The following ZNF90 variants were observed in gnomAD, a reference collection of about 807,000 sequenced individuals.
ZNF90 encodes zinc finger protein 90.
ZNF90 carries 11 observed loss-of-function variants against 12.0 expected under a neutral mutation model. That is an observed-to-expected ratio of 0.92 (90% confidence interval 0.58 to 1.52). The LOEUF (loss-of-function observed/expected upper bound fraction) is 1.52. Among genes scored for constraint, ZNF90 ranks in the 40% most tolerant of loss-of-function variants. The pLI is 0.00. For synonymous variants in ZNF90, 232 were observed against 240.1 expected, an observed-to-expected ratio of 0.97 and a Z score of 0.31; for missense variants, 765 against 711.5, an observed-to-expected ratio of 1.08 and a Z score of -0.86.
chr19:20,115,599 C>T (rs2089130566), intron 3 of ZNF90, among the ~76,000 whole-genome samples: 1 of 151,864 alleles, frequency 6.6e-6, no homozygotes, highest in Admixed American at 6.6e-5. Context: ...ATCATTACAT[C>T]TGCTGCTCCG....
chr19:20,119,053 A>C lies in ZNF90; in HGVS notation c.1499A>C (p.Lys500Thr). 1 of 1,610,302 alleles carries C rather than the reference A, an allele frequency of 6.2e-7. No individual in the cohort carries two copies. Among genetic ancestry groups the C allele is most frequent in the Non-Finnish European group, 8.5e-7 (1 of 1,178,054 alleles). ...TACTCCTCAGCCCTTAGCACACATAAGATAATTCACAGTGGAGAGAATCCC... is the reference window on the plus strand; with the variant it reads ...TACTCCTCAGCCCTTAGCACACATACGATAATTCACAGTGGAGAGAATCCC... ...FKYSSALSTH[K>T]IIHSGENPYK... Residue 500 changes from lysine to threonine, a missense_variant, in exon 4 of 4, where the codon AAG becomes ACG. Physicochemically the swap from Lys to Thr is moderately conservative, Grantham distance 78. Coordinates refer to ENST00000418063, the MANE Select transcript of ZNF90 (RefSeq NM_007138.2).
Position 20,120,256 on chromosome 19 carries a change from TC to T in ZNF90, c.*897del, listed in dbSNP as rs2089184120. The stretch of plus-strand genomic sequence containing the variant: ...CACATCTTACCCAACAGAAGGTGGT[TC>T]ACAGTTAATGAAAGCATTTAAAGTG... On this transcript the variant is annotated 3_prime_UTR_variant, in exon 4 of 4. Transcript: ENST00000418063. 1.3e-5 allele frequency among the ~76,000 whole-genome samples: 2 copies of T among 152,246 alleles called. No homozygotes were observed. Among genetic ancestry groups the T allele is most frequent in the African/African-American group, 2.4e-5 (1 of 41,468 alleles).
chr19:20,092,755 G>A lies in ZNF90; in HGVS notation c.4-11484G>A, dbSNP rs147141627. On this transcript the variant is annotated intron_variant, in intron 1 of 3. Coordinates refer to ENST00000418063, the MANE Select transcript of ZNF90 (RefSeq NM_007138.2). ...GTGTGTTCTTATGAAGAATTATGCC[G>A]AGGTAGGTAACGGATGGAGAAGAAA... is the stretch of plus-strand genomic sequence containing the variant. 8.4e-3 allele frequency among the ~76,000 whole-genome samples: 1,287 copies of A among 152,308 alleles called. 26 individuals are homozygous for A. The highest frequency in any genetic ancestry group is 0.028 in the African/African-American group (1,181 of 41,548).
chr19:20,109,776 A>G (rs2089070888), intron 3 of ZNF90, among the ~76,000 whole-genome samples: 3 of 151,580 alleles, frequency 2.0e-5, no homozygotes, highest in Admixed American at 6.6e-5. Flanking sequence ...TACATGGGAG[A>G]TTGAAGGGGA....
chr19:20,089,052 T>C (rs1423926730), intron 1 of ZNF90, among the ~76,000 whole-genome samples: 2 of 152,102 alleles, frequency 1.3e-5, no homozygotes, highest in African/African-American at 4.8e-5. Context: ...AGACCTTGTG[T>C]GAGGCAAAAC....
chr19:20,090,302 A>G (rs1555702606), intron 1 of ZNF90, among the ~76,000 whole-genome samples: 1 of 152,146 alleles, frequency 6.6e-6, no homozygotes, highest in African/African-American at 2.4e-5. Flanking sequence ...GTAAGGACGA[A>G]CAGACCTAAT....
At position 20,119,300 on chromosome 19, in the gene ZNF90, A is replaced by G; in HGVS notation, c.1746A>G (p.Thr582=). 1 of 1,611,260 alleles carries G rather than the reference A, an allele frequency of 6.2e-7. No individual in the cohort carries two copies. Among genetic ancestry groups the G allele is most frequent in the South Asian group, 1.1e-5 (1 of 90,714 alleles). Residue 582 remains threonine, a synonymous_variant, in exon 4 of 4, where the codon ACA becomes ACG. Coordinates refer to ENST00000418063, the MANE Select transcript of ZNF90 (RefSeq NM_007138.2). ...KAFNLSSDLN[T]HKRIHIGQKA... ...TTAACTTGTCCTCAGACCTTAATAC[A>G]CATAAGAGGATTCATATTGGACAGA...
chr19:20,097,088 A>G lies in ZNF90; in HGVS notation c.4-7151A>G, dbSNP rs527968855. Among the ~76,000 whole-genome samples, 18 of 152,330 alleles carry G rather than the reference A, an allele frequency of 1.2e-4. No individual in the cohort carries two copies. The South Asian group carries it at 3.5e-3, about 30-fold the overall frequency. On this transcript the variant is annotated intron_variant, in intron 1 of 3. Transcript: ENST00000418063. ...AAATTCTTCTACTTGTGGACTAATT[A>G]TGGTGACCATCTTTCTATCTTTGCA...
rs1044575057 is a variant in ZNF90 at position 20,120,798 on chromosome 19, A to C, written c.*1438A>C. 6.6e-6 allele frequency: 1 copy of C among 152,186 alleles called. No homozygotes were observed. The highest frequency in any genetic ancestry group is 2.4e-5 in the African/African-American group (1 of 41,460). 9.4% of individuals were successfully genotyped at this position (152,186 alleles called of 1,614,324 possible). A position where few individuals can be genotyped will look rare whatever the true frequency, so the allele number is the denominator to read the frequency against. The stretch of plus-strand genomic sequence containing the variant: ...CATTGAAAGTATACTTGCTTTCTTG[A>C]GAAAAAATTTTTGAAAAGTGAATAA... On this transcript the variant is annotated 3_prime_UTR_variant, in exon 4 of 4. Transcript: ENST00000418063.
chr19:20,081,221 C>A (rs766772750), intron 1 of ZNF90, among the ~76,000 whole-genome samples: 31 of 152,180 alleles, frequency 2.0e-4, no homozygotes, highest in Middle Eastern at 6.8e-3. Context: ...CAGAGTCTTG[C>A]TCTTTTGCCC....
intron 3 of ZNF90, among the ~76,000 whole-genome samples, chr19:20,108,446 A>G (rs1274332010): frequency 6.6e-6 from 1 of 152,146 alleles, no homozygotes; most frequent in African/African-American, 2.4e-5. Flanking sequence ...AATAGCTGTT[A>G]TTACAGGCAC....
In ZNF90 at chr19:20,104,370, G is replaced by A. The variant is rs782040013; in HGVS notation, c.130+5G>A. On this transcript the variant is annotated splice_donor_5th_base_variant and intron_variant, in intron 2 of 3. Transcript: ENST00000418063. The stretch of plus-strand genomic sequence containing the variant: ...ACAGACACCTGGTCTTCCTTGGTGA[G>A]GATAAGTGGAATACATAATTCATAA... 2 of 1,609,554 alleles carry A rather than the reference G, an allele frequency of 1.2e-6. No homozygotes were observed. The highest frequency in any genetic ancestry group is 1.7e-6 in the Non-Finnish European group (2 of 1,178,410).
chr19:20,112,792 T>C (rs957658719), intron 3 of ZNF90, among the ~76,000 whole-genome samples: 5 of 152,222 alleles, frequency 3.3e-5, no homozygotes, highest in Non-Finnish European at 5.9e-5. Context: ...TTTTTTGTTT[T>C]TTTTAATCTT....
intron 3 of ZNF90, among the ~76,000 whole-genome samples, chr19:20,117,368 C>CT (rs1218881506): frequency 5.4e-5 from 8 of 148,094 alleles, no homozygotes; most frequent in Non-Finnish European, 8.9e-5. Flanking sequence ...CGTTTCTTTT[C>CT]TTTTTTTTCC....
intron 1 of ZNF90, among the ~76,000 whole-genome samples, chr19:20,087,820 G>A (rs1326498198): frequency 6.6e-6 from 1 of 152,174 alleles, no homozygotes; most frequent in Non-Finnish European, 1.5e-5. Context: ...CCATTTTATA[G>A]GATTTCGGTA....
At chr19:20,092,432 C>T (rs1412658909) in intron 1 of ZNF90, among the ~76,000 whole-genome samples, 1 of 152,112 alleles carries the variant, frequency 6.6e-6, no homozygotes, top group Non-Finnish European at 1.5e-5. Flanking sequence ...GACTGCACAG[C>T]CCTGCACTTC....
chr19:20,103,348 C>T (rs1555704075), intron 1 of ZNF90, among the ~76,000 whole-genome samples: 1 of 152,202 alleles, frequency 6.6e-6, no homozygotes, highest in African/African-American at 2.4e-5. Context: ...CAAGTCTAGA[C>T]ACATTCCAGA....
chr19:20,084,531 A>G (rs559863731), intron 1 of ZNF90, among the ~76,000 whole-genome samples: 1 of 152,260 alleles, frequency 6.6e-6, no homozygotes, highest in Admixed American at 6.5e-5. Context: ...GGGTCAAATG[A>G]GGATTCTGTT....
chr19:20,109,716 A>G (rs1555704849), intron 3 of ZNF90, among the ~76,000 whole-genome samples: 1 of 152,016 alleles, frequency 6.6e-6, no homozygotes, highest in East Asian at 1.9e-4. Context: ...CTGTAAAAAA[A>G]AAAAAATTAA....
Sources: allele counts gnomAD v4.1 joint callset (sites outside exome capture counted in the v4.1 genomes callset), GRCh38; gene constraint gnomAD v4.1.1; transcripts MANE v1.5; gene names NCBI Gene and HGNC (gene_info 2026-07-23, HGNC 2026-07-21).